TANC2: variants seen among roughly 807,000 people sequenced by gnomAD.
TANC2 encodes the protein protein TANC2.
TANC2 carries 26 observed loss-of-function variants against 210.5 expected under a neutral mutation model. The ratio of observed to expected loss-of-function variants is 0.12; its 90% CI spans 0.09 to 0.17. TANC2 has a LOEUF of 0.17. Ranked by LOEUF, TANC2 falls within the 10% of genes least tolerant of loss-of-function variation. TANC2 has a pLI of 1.00. For synonymous variants in TANC2, 931 were observed against 967.1 expected, an observed-to-expected ratio of 0.96 and a Z score of 0.69; for missense variants, 2,129 against 2,608.9, an observed-to-expected ratio of 0.82 and a Z score of 4.01.
At position 63,380,252 on chromosome 17, in the gene TANC2, C is replaced by A. The variant is rs559933075; in HGVS notation, c.2691+426C>A. 1.5e-3 allele frequency among the ~76,000 whole-genome samples: 225 copies of A among 152,306 alleles called. 1 individual carries two copies. Among genetic ancestry groups the A allele is most frequent in the Non-Finnish European group, 2.3e-3 (158 of 68,022 alleles). On this transcript the variant is annotated intron_variant, in intron 15 of 27. Transcript: ENST00000689528. The stretch of plus-strand genomic sequence containing the variant: ...CCTGGTGCTATGACTTTCAAACCAA[C>A]ACTAACCTTCCTTGGAGCTACTTCC...
intron 2 of TANC2, among the ~76,000 whole-genome samples, chr17:63,048,121 G>A (rs1031810270): frequency 1.2e-4 from 19 of 152,134 alleles, no homozygotes; most frequent in African/African-American, 4.6e-4. Context: ...TGCTTTAGGA[G>A]AAGATTAAAA....
intron 4 of TANC2, among the ~76,000 whole-genome samples, chr17:63,145,611 C>CCTCA (rs1164584958): frequency 6.6e-6 from 1 of 152,054 alleles, no homozygotes; most frequent in Non-Finnish European, 1.5e-5. Flanking sequence ...AAGGATCTAA[C>CCTCA]CTCACTCTTT....
chr17:63,347,493 C>A (rs1418281118), intron 12 of TANC2, among the ~76,000 whole-genome samples: 1 of 152,024 alleles, frequency 6.6e-6, no homozygotes, highest in East Asian at 1.9e-4. Context: ...AATTTTGTTG[C>A]AATAATTTTT....
intron 11 of TANC2, chr17:63,331,963 C>T (rs1437601341): frequency 1.1e-5 from 3 of 278,678 alleles, no homozygotes; most frequent in South Asian, 4.3e-5. Flanking sequence ...TAAATACAGA[C>T]GTATTTTCAA....
intron 26 of TANC2, 104 bp downstream of exon 26, chr17:63,415,778 T>G (rs2048840803): frequency 2.1e-6 from 3 of 1,409,222 alleles, no homozygotes; most frequent in Non-Finnish European, 2.9e-6. Flanking sequence ...CTGCCCCATT[T>G]GGAACTTGGT....
chr17:63,025,857 T>A (rs1007795491), intron 2 of TANC2, among the ~76,000 whole-genome samples: 14 of 148,972 alleles, frequency 9.4e-5, no homozygotes, highest in Non-Finnish European at 1.9e-4. Flanking sequence ...TAAAATAAAA[T>A]AAAAAATAAA....
intron 1 of TANC2, among the ~76,000 whole-genome samples, chr17:62,972,392 TCA>T (rs1289044998): frequency 6.6e-6 from 1 of 152,246 alleles, no homozygotes; most frequent in Non-Finnish European, 1.5e-5. Context: ...CTGTCTTTAT[TCA>T]CTACATGGTT....
At chr17:63,234,563 G>A (rs2042568931) in intron 7 of TANC2, among the ~76,000 whole-genome samples, 1 of 152,102 alleles carries the variant, frequency 6.6e-6, no homozygotes, top group Middle Eastern at 3.2e-3. Context: ...AGAACAGCAG[G>A]GCTTTAGCCT....
chr17:63,389,677 G>C (rs1354878500), intron 17 of TANC2, 133 bp downstream of exon 17: 1 of 900,502 alleles, frequency 1.1e-6, no homozygotes, highest in Admixed American at 2.1e-5. Flanking sequence ...AGATCAGAGA[G>C]AGTGCTGGTT....
intron 14 of TANC2, 142 bp downstream of exon 14, chr17:63,355,532 T>G: frequency 1.1e-6 from 1 of 927,292 alleles, no homozygotes; most frequent in Non-Finnish European, 1.5e-6. Context: ...AAGGCAAGGC[T>G]ATAATGAGGT....
intron 4 of TANC2, chr17:63,150,289 G>C (rs909824377): frequency 2.0e-5 from 3 of 152,128 alleles, no homozygotes; most frequent in African/African-American, 7.2e-5. Flanking sequence ...CTTTGTGCCA[G>C]TACTGTGCTA....
At chr17:63,104,927 C>A (rs1223548511) in intron 4 of TANC2, among the ~76,000 whole-genome samples, 2 of 151,650 alleles carry the variant, frequency 1.3e-5, no homozygotes, top group Non-Finnish European at 2.9e-5. Context: ...ATAGTATCTA[C>A]CCCATAGGAG....
chr17:62,982,910 C>T (rs1036438549), intron 1 of TANC2, among the ~76,000 whole-genome samples: 2 of 152,108 alleles, frequency 1.3e-5, no homozygotes, highest in Non-Finnish European at 2.9e-5. Flanking sequence ...TCTCCAACTT[C>T]GTTCTTTTTG....
intron 7 of TANC2, 120 bp from the exon 8 acceptor site, chr17:63,237,691 TTTC>T: frequency 9.8e-7 from 1 of 1,024,004 alleles, no homozygotes; most frequent in Non-Finnish European, 1.4e-6. Flanking sequence ...CAATCCAGTT[TTTC>T]TAGCACCATT....
In TANC2 at chr17:63,256,062, C is replaced by G. The variant is rs182030258; in HGVS notation, c.1034-11686C>G. Among the ~76,000 whole-genome samples, 111 of 151,936 alleles carry G rather than the reference C, an allele frequency of 7.3e-4. No homozygotes were observed. In the Middle Eastern group the frequency reaches 0.01, roughly 14 times the overall value. On this transcript the variant is annotated intron_variant, in intron 8 of 27. Transcript: ENST00000689528. ...CTGGGATTACAAATGCCCACCACCA[C>G]GCCTGGCTAATTTTTGTATTTTTAG...
exon 13 of TANC2, chr17:63,351,403 G>A (rs2046603216): frequency 6.2e-7 from 1 of 1,604,658 alleles, no homozygotes; most frequent in Non-Finnish European, 8.5e-7. Context: ...GTAACAGTTA[G>A]GACCAGTTTA....
chr17:63,095,234 A>G (rs1056339224), intron 3 of TANC2, among the ~76,000 whole-genome samples: 1 of 152,076 alleles, frequency 6.6e-6, no homozygotes, highest in Non-Finnish European at 1.5e-5. Context: ...AAAGTACAGT[A>G]GTATGATCGT....
chr17:63,207,247 G>A (rs1373552601), intron 7 of TANC2, among the ~76,000 whole-genome samples: 8 of 116,640 alleles, frequency 6.9e-5, no homozygotes, highest in Admixed American at 1.2e-4. Context: ...ACAGAGTCTC[G>A]CACTTTCGCC....
chr17:63,034,034 C>G lies in TANC2; in HGVS notation c.67+24408C>G, dbSNP rs569369501. Among the ~76,000 whole-genome samples, 5 of 152,274 alleles carry G rather than the reference C, an allele frequency of 3.3e-5. 1 individual carries two copies. The South Asian group carries it at 1.0e-3, about 32-fold the overall frequency. On this transcript the variant is annotated intron_variant, in intron 2 of 27. Coordinates refer to ENST00000689528, the Ensembl canonical transcript of TANC2. The stretch of plus-strand genomic sequence containing the variant: ...GGTCACTCTCTTCCCCCGTCCTTCA[C>G]CTGGGAAACCAATGAGCTATGAAGA...
Sources: allele counts gnomAD v4.1 joint callset (sites outside exome capture counted in the v4.1 genomes callset), GRCh38; gene constraint gnomAD v4.1.1; transcripts MANE v1.5; gene names NCBI Gene and HGNC (gene_info 2026-07-23, HGNC 2026-07-21).